CYP7B1: variants seen among roughly 807,000 people sequenced by gnomAD.
CYP7B1 encodes the protein cytochrome P450 family 7 subfamily B member 1, also known as cytochrome P450 7B1.
A neutral mutation model predicts 42.7 loss-of-function variants in CYP7B1; 29 were observed. The ratio of observed to expected loss-of-function variants is 0.68; its 90% CI spans 0.51 to 0.93. CYP7B1 has a LOEUF of 0.93. Ranked by LOEUF, CYP7B1 falls within the 40% of genes least tolerant of loss-of-function variation. The pLI is 0.00. For synonymous variants in CYP7B1, 235 were observed against 218.2 expected (o/e 1.08, Z -0.68); for missense variants, 655 against 600.5 (o/e 1.09, Z -0.95).
intron 1 of CYP7B1, among the ~76,000 whole-genome samples, chr8:64,783,716 C>T (rs923281400): frequency 2.6e-5 from 4 of 152,144 alleles, no homozygotes; most frequent in Non-Finnish European, 5.9e-5. Context: ...AAGATCATTC[C>T]TGCTTCCAGA....
intron 1 of CYP7B1, among the ~76,000 whole-genome samples, chr8:64,737,345 A>C (rs1807505353): frequency 6.6e-6 from 1 of 152,234 alleles, no homozygotes; most frequent in South Asian, 2.1e-4. Context: ...ATGAAAAAAG[A>C]GAACAAAAGA....
intron 1 of CYP7B1, among the ~76,000 whole-genome samples, chr8:64,632,775 T>G (rs1805715913): frequency 6.6e-6 from 1 of 152,046 alleles, no homozygotes; most frequent in Admixed American, 6.6e-5. Context: ...CCCATTAAGA[T>G]CAGAAACAAG....
rs571713175 is a variant in CYP7B1 at position 64,766,957 on chromosome 8, C to T, written c.122+31509G>A. Among the ~76,000 whole-genome samples, 41 of 152,248 alleles carry T rather than the reference C, an allele frequency of 2.7e-4. 1 individual carries two copies. The South Asian group carries it at 7.9e-3, about 29-fold the overall frequency. ...ACTGTCCTCCAGATATCTCACTATC[C>T]GAGGGGTCCTAGGACAGGCAGTCAC... On this transcript the variant is annotated intron_variant, in intron 1 of 5. Transcript: ENST00000310193.
Position 64,653,513 on chromosome 8 carries a change from C to T in CYP7B1, c.123-28974G>A, listed in dbSNP as rs191101287. Among the ~76,000 whole-genome samples, 21 of 152,220 alleles carry T rather than the reference C, an allele frequency of 1.4e-4. 1 individual carries two copies. The East Asian group carries it at 4.1e-3, about 29-fold the overall frequency. On this transcript the variant is annotated intron_variant, in intron 1 of 5. Transcript: ENST00000310193. ...TGAAACTGAATCAGTAGTAAATAGCCTACCAACCAAAAAAAGCCCAGGACC... is the reference window on the plus strand; with the variant it reads ...TGAAACTGAATCAGTAGTAAATAGCTTACCAACCAAAAAAAGCCCAGGACC...
chr8:64,736,958 C>T (rs967376210), intron 1 of CYP7B1, among the ~76,000 whole-genome samples: 7 of 152,084 alleles, frequency 4.6e-5, no homozygotes, highest in African/African-American at 1.4e-4. Flanking sequence ...CTTTTCTACC[C>T]TTATATTCTT....
intron 1 of CYP7B1, among the ~76,000 whole-genome samples, chr8:64,797,948 T>C (rs1804731082): frequency 6.6e-6 from 1 of 152,218 alleles, no homozygotes; most frequent in African/African-American, 2.4e-5. Context: ...CATTAACTCA[T>C]TTAGTACTCA....
chr8:64,679,400 C>A (rs114340498), intron 1 of CYP7B1, among the ~76,000 whole-genome samples: 1,619 of 152,126 alleles, frequency 0.011, 24 homozygotes, highest in African/African-American at 0.037. Flanking sequence ...ATAGAAATAA[C>A]CTTTAAAAAC....
In CYP7B1 at chr8:64,604,752, C is replaced by T. The variant is rs1394828774; in HGVS notation, c.1163G>A (p.Arg388Gln). 14 of 1,614,142 alleles carry T rather than the reference C, an allele frequency of 8.7e-6. No individual in the cohort carries two copies. Among genetic ancestry groups the T allele is most frequent in the African/African-American group, 1.3e-5 (1 of 75,026 alleles). ...AAAGATGGCTACCAAGTCTCCCTTT[C>T]GCACACAGTAGTCCCCGGTCTCTGA... ...LSSETGDYCV[R>Q]KGDLVAIFPP... is the part of the protein sequence containing the mutation. The change falls in exon 5 of 6, where the codon CGA (arginine) becomes CAA (glutamine). Residue 388 changes from arginine (R) to glutamine (Q), a missense_variant. Transcript: ENST00000310193.
At chr8:64,691,734 G>T (rs1806748513) in intron 1 of CYP7B1, among the ~76,000 whole-genome samples, 1 of 152,184 alleles carries the variant, frequency 6.6e-6, no homozygotes, top group African/African-American at 2.4e-5. Context: ...CACTGAGGCT[G>T]GACAGGCCCT....
rs1554535555 is a variant in CYP7B1 at position 64,722,749 on chromosome 8, G to GC, written c.122+75716_122+75717insG. Among the ~76,000 whole-genome samples the GC allele has an allele frequency of 1.6e-4, 17 of 104,096 alleles. 1 individual carries two copies. The East Asian group carries it at 4.0e-3, about 24-fold the overall frequency. 68.3% of individuals were successfully genotyped at this position (104,096 alleles called of 152,430 possible). A position where few individuals can be genotyped will look rare whatever the true frequency, so the allele number is the denominator to read the frequency against. On this transcript the variant is annotated intron_variant, in intron 1 of 5. Coordinates refer to ENST00000310193, the MANE Select transcript of CYP7B1 (RefSeq NM_004820.5). ...GTAGAATGATTTTTTGCGGCGGGGG[G>GC]GGGGGGGCGGGAGGTTTTTTTTTAT...
chr8:64,694,157 C>T (rs576153565), intron 1 of CYP7B1, among the ~76,000 whole-genome samples: 2 of 152,302 alleles, frequency 1.3e-5, no homozygotes, highest in African/African-American at 4.8e-5. Flanking sequence ...TGAAGACCCC[C>T]TTTAATTGCT....
intron 1 of CYP7B1, among the ~76,000 whole-genome samples, chr8:64,665,389 G>A (rs1806258981): frequency 6.6e-6 from 1 of 152,002 alleles, no homozygotes; most frequent in Non-Finnish European, 1.5e-5. Context: ...TGTAATAAAA[G>A]GGTAGGAACT....
chr8:64,725,595 G>C (rs1026418894), intron 1 of CYP7B1, among the ~76,000 whole-genome samples: 5 of 152,198 alleles, frequency 3.3e-5, no homozygotes, highest in Non-Finnish European at 5.9e-5. Flanking sequence ...GGCTGAAGTA[G>C]CTACTAAAAG....
chr8:64,793,696 T>C (rs1010812158), intron 1 of CYP7B1, among the ~76,000 whole-genome samples: 2 of 152,026 alleles, frequency 1.3e-5, no homozygotes, highest in Admixed American at 1.3e-4. Flanking sequence ...TTTAAAACAC[T>C]TTAAACATTT....
At chr8:64,686,034 C>T (rs1258542388) in intron 1 of CYP7B1, among the ~76,000 whole-genome samples, 4 of 114,288 alleles carry the variant, frequency 3.5e-5, no homozygotes, top group Admixed American at 8.3e-5. Context: ...GCCAGCCACC[C>T]CGTCCGGGAG....
At chr8:64,713,394 T>C (rs908644587) in intron 1 of CYP7B1, among the ~76,000 whole-genome samples, 2 of 151,464 alleles carry the variant, frequency 1.3e-5, no homozygotes, top group Non-Finnish European at 2.9e-5. Flanking sequence ...AATCTATCAA[T>C]AAAAGCAGGC....
chr8:64,721,481 C>A (rs1807235442), intron 1 of CYP7B1, among the ~76,000 whole-genome samples: 1 of 151,910 alleles, frequency 6.6e-6, no homozygotes, highest in South Asian at 2.1e-4. Context: ...TTAAAATAAC[C>A]AACAATCTCT....
chr8:64,782,197 G>T (rs181091655), intron 1 of CYP7B1, among the ~76,000 whole-genome samples: 3 of 149,986 alleles, frequency 2.0e-5, no homozygotes, highest in East Asian at 2.0e-4. Context: ...AGCTGCAGAC[G>T]ACTTCACATA....
chr8:64,672,340 T>G (rs1806379327), intron 1 of CYP7B1, among the ~76,000 whole-genome samples: 2 of 152,242 alleles, frequency 1.3e-5, no homozygotes, highest in South Asian at 4.1e-4. Flanking sequence ...TGCTTTTATC[T>G]GACTCATTTG....
Sources: gnomAD v4.1 joint callset for allele counts (sites outside exome capture counted in the v4.1 genomes callset) on GRCh38, gnomAD v4.1.1 for gene constraint, MANE v1.5 for transcripts, NCBI Gene and HGNC (gene_info 2026-07-23, HGNC 2026-07-21) for gene names.